PRKG1: variants seen among roughly 807,000 people sequenced by gnomAD.
The protein encoded by PRKG1 is protein kinase cGMP-dependent 1, also known as cGMP-dependent protein kinase 1.
In PRKG1, 35 loss-of-function variants were observed where a neutral mutation model predicts 88.1. The ratio of observed to expected loss-of-function variants is 0.40; its 90% CI spans 0.30 to 0.53. The LOEUF is 0.53. Among genes scored for constraint, PRKG1 ranks in the 20% least tolerant of loss-of-function variants. PRKG1 has a pLI of 0.59. For missense variants in PRKG1, 540 were observed against 839.8 expected, an observed-to-expected ratio of 0.64 and a Z score of 4.41; for synonymous variants, 303 against 292.5, an observed-to-expected ratio of 1.04 and a Z score of -0.37.
At chr10:51,816,557 G>GTC (rs1839592588) in intron 4 of PRKG1, among the ~76,000 whole-genome samples, 1 of 151,560 alleles carries the variant, frequency 6.6e-6, no homozygotes, top group Non-Finnish European at 1.5e-5. Flanking sequence ...GTGTGTGTGT[G>GTC]TGTGTGTGTG....
At chr10:52,092,929 C>A (rs547457548) in intron 7 of PRKG1, among the ~76,000 whole-genome samples, 6 of 152,198 alleles carry the variant, frequency 3.9e-5, no homozygotes, top group African/African-American at 1.4e-4. Context: ...TAGGGTGAAA[C>A]GGCCTTAGAC....
At chr10:51,461,596 G>C (rs1839747080) in intron 2 of PRKG1, among the ~76,000 whole-genome samples, 1 of 152,094 alleles carries the variant, frequency 6.6e-6, no homozygotes, top group Non-Finnish European at 1.5e-5. Context: ...TCATCTAGGG[G>C]GCAAGAGTTC....
chr10:51,985,911 T>G (rs1844145117), intron 5 of PRKG1, among the ~76,000 whole-genome samples: 1 of 152,224 alleles, frequency 6.6e-6, no homozygotes, highest in African/African-American at 2.4e-5. Context: ...TTAATACACG[T>G]AGCCTACTAA....
chr10:51,870,880 G>A (rs1463592041), intron 4 of PRKG1, among the ~76,000 whole-genome samples: 1 of 152,100 alleles, frequency 6.6e-6, no homozygotes, highest in Non-Finnish European at 1.5e-5. Flanking sequence ...ATTTGTAACA[G>A]TTGCTCATGG....
intron 3 of PRKG1, among the ~76,000 whole-genome samples, chr10:51,580,545 C>G (rs1018693321): frequency 1.3e-5 from 2 of 151,922 alleles, no homozygotes; most frequent in African/African-American, 2.4e-5. Context: ...AGCTTTTATA[C>G]CACTCCTCTT....
At chr10:51,444,423 A>G (rs1477123316) in intron 2 of PRKG1, among the ~76,000 whole-genome samples, 1 of 151,928 alleles carries the variant, frequency 6.6e-6, no homozygotes, top group East Asian at 1.9e-4. Context: ...AACCAGTTCC[A>G]TCTTCTAGAT....
intron 3 of PRKG1, among the ~76,000 whole-genome samples, chr10:51,692,234 TAAA>T (rs397978149): frequency 8.1e-5 from 12 of 148,368 alleles, no homozygotes; most frequent in African/African-American, 2.5e-4. Context: ...TTGGCCTTTT[TAAA>T]AAAAAAAAAT....
chr10:51,545,519 A>G (rs1373838294), intron 3 of PRKG1, among the ~76,000 whole-genome samples: 1 of 152,154 alleles, frequency 6.6e-6, no homozygotes, highest in Admixed American at 6.6e-5. Flanking sequence ...CAGAATATGT[A>G]GACAATTTCT....
intron 2 of PRKG1, among the ~76,000 whole-genome samples, chr10:51,318,827 T>C (rs913302584): frequency 6.6e-6 from 1 of 152,252 alleles, no homozygotes; most frequent in Non-Finnish European, 1.5e-5. Flanking sequence ...TTAGAGGCTA[T>C]CTTGATAAAT....
chr10:51,607,683 G>A (rs540831935), intron 3 of PRKG1, among the ~76,000 whole-genome samples: 10 of 152,338 alleles, frequency 6.6e-5, no homozygotes, highest in East Asian at 1.9e-4. Flanking sequence ...GAGGTAGAAG[G>A]AAGAAAAGAG....
intron 5 of PRKG1, among the ~76,000 whole-genome samples, chr10:52,016,396 C>G (rs1357657824): frequency 6.6e-6 from 1 of 152,156 alleles, no homozygotes; most frequent in Non-Finnish European, 1.5e-5. Context: ...ATCTTGAGAA[C>G]AGCATTAGGG....
chr10:51,171,230 C>A (rs901046590), intron 2 of PRKG1, among the ~76,000 whole-genome samples: 6 of 152,064 alleles, frequency 3.9e-5, no homozygotes, highest in Non-Finnish European at 8.8e-5. Context: ...ATTGAGAAGA[C>A]TAACTGACAA....
chr10:51,812,094 C>T (rs1258795413), intron 4 of PRKG1, among the ~76,000 whole-genome samples: 2 of 152,130 alleles, frequency 1.3e-5, no homozygotes, highest in Non-Finnish European at 2.9e-5. Flanking sequence ...AATTTTAAAT[C>T]ATTATAACTA....
chr10:52,009,692 C>T (rs1285902644), intron 5 of PRKG1, among the ~76,000 whole-genome samples: 2 of 151,650 alleles, frequency 1.3e-5, no homozygotes, highest in Non-Finnish European at 2.9e-5. Context: ...CATATGGAAC[C>T]AAAAAAAGAG....
chr10:51,489,969 CACTTTTAGGGATG>C (rs889759252), intron 3 of PRKG1, among the ~76,000 whole-genome samples: 1 of 152,118 alleles, frequency 6.6e-6, no homozygotes, highest in African/African-American at 2.4e-5. Flanking sequence ...CTTTTGGCCC[CACTTTTAGGGATG>C]GCCACTGGAA....
intron 1 of PRKG1, among the ~76,000 whole-genome samples, chr10:51,033,396 T>C (rs1259131350): frequency 6.6e-6 from 1 of 152,220 alleles, no homozygotes; most frequent in Non-Finnish European, 1.5e-5. Flanking sequence ...AGGTAAATGC[T>C]GTGTCTCACA....
chr10:50,997,106 G>A (rs915448589), intron 1 of PRKG1, among the ~76,000 whole-genome samples: 1 of 152,186 alleles, frequency 6.6e-6, no homozygotes, highest in Non-Finnish European at 1.5e-5. Context: ...AGAAAACTGA[G>A]CAAATCCTCG....
intron 1 of PRKG1, among the ~76,000 whole-genome samples, chr10:51,063,618 A>G (rs1244923146): frequency 1.3e-5 from 2 of 152,228 alleles, no homozygotes; most frequent in Non-Finnish European, 2.9e-5. Context: ...TACATGATGC[A>G]TGACTGTACG....
chr10:51,487,996 C>T (rs766013860), intron 3 of PRKG1, among the ~76,000 whole-genome samples: 1 of 152,060 alleles, frequency 6.6e-6, no homozygotes, highest in African/African-American at 2.4e-5. Context: ...TTATTGAGTG[C>T]CTGTTTTCTA....
Sources: allele counts gnomAD v4.1 joint callset (sites outside exome capture counted in the v4.1 genomes callset), GRCh38; gene constraint gnomAD v4.1.1; transcripts MANE v1.5; gene names NCBI Gene and HGNC (gene_info 2026-07-23, HGNC 2026-07-21).